MARCHF1: variants seen among roughly 807,000 people sequenced by gnomAD.
MARCHF1 encodes E3 ubiquitin-protein ligase MARCHF1.
In MARCHF1, 40 loss-of-function variants were observed where a neutral mutation model predicts 54.2. The observed-to-expected ratio is 0.74, with a 90% CI of 0.57 to 0.96. MARCHF1 has a LOEUF of 0.96. Among genes scored for constraint, MARCHF1 ranks in the 40% least tolerant of loss-of-function variants. The pLI is 0.00. For synonymous variants in MARCHF1, 236 were observed against 236.3 expected (o/e 1.00, Z 0.01); for missense variants, 586 against 656.5 (o/e 0.89, Z 1.17).
At chr4:163,685,998 AG>A (rs1294521351) in intron 5 of MARCHF1, among the ~76,000 whole-genome samples, 1 of 152,172 alleles carries the variant, frequency 6.6e-6, no homozygotes, top group Non-Finnish European at 1.5e-5. Flanking sequence ...TATAAGTCTT[AG>A]TTTCATAATC....
At chr4:164,109,873 G>A (rs1172050914) in intron 2 of MARCHF1, among the ~76,000 whole-genome samples, 3 of 110,808 alleles carry the variant, frequency 2.7e-5, no homozygotes, top group Non-Finnish European at 1.7e-5. Flanking sequence ...TTACCTATGT[G>A]ACAAACCTTC....
At chr4:163,634,624 T>G (rs1174299951) in intron 5 of MARCHF1, among the ~76,000 whole-genome samples, 2 of 152,066 alleles carry the variant, frequency 1.3e-5, no homozygotes, top group African/African-American at 2.4e-5. Flanking sequence ...ACAAAGAGAC[T>G]TAGACTCCTA....
intron 3 of MARCHF1, among the ~76,000 whole-genome samples, chr4:163,931,368 C>G (rs931682452): frequency 6.6e-6 from 1 of 151,934 alleles, no homozygotes; most frequent in Non-Finnish European, 1.5e-5. Context: ...AAGTGTTAAC[C>G]CCCAAAGTGA....
intron 4 of MARCHF1, among the ~76,000 whole-genome samples, chr4:163,738,602 G>T (rs1386149432): frequency 6.6e-6 from 1 of 152,022 alleles, no homozygotes; most frequent in African/African-American, 2.4e-5. Context: ...TCCAATAAAG[G>T]GCTATTTTTC....
intron 7 of MARCHF1, among the ~76,000 whole-genome samples, chr4:163,589,709 A>G (rs955959833): frequency 1.3e-5 from 2 of 152,154 alleles, no homozygotes; most frequent in African/African-American, 4.8e-5. Context: ...CAGCCGAATA[A>G]TTGTGTAGAG....
intron 1 of MARCHF1, among the ~76,000 whole-genome samples, chr4:164,128,790 T>C (rs1187419666): frequency 6.6e-6 from 1 of 152,180 alleles, no homozygotes; most frequent in African/African-American, 2.4e-5. Flanking sequence ...TATAATCTGC[T>C]TCTCCCTGTG....
intron 2 of MARCHF1, among the ~76,000 whole-genome samples, chr4:164,015,505 A>T (rs1753520516): frequency 6.6e-6 from 1 of 152,184 alleles, no homozygotes; most frequent in Non-Finnish European, 1.5e-5. Flanking sequence ...AGCAATTAAC[A>T]AACTGAAAAG....
At chr4:164,150,579 G>C (rs1729906947) in intron 1 of MARCHF1, among the ~76,000 whole-genome samples, 1 of 152,104 alleles carries the variant, frequency 6.6e-6, no homozygotes, top group Admixed American at 6.6e-5. Flanking sequence ...GTTTAAGCTT[G>C]GCTCTGCTCT....
intron 5 of MARCHF1, among the ~76,000 whole-genome samples, chr4:163,687,333 T>G (rs1744301000): frequency 6.6e-6 from 1 of 151,886 alleles, no homozygotes; most frequent in African/African-American, 2.4e-5. Flanking sequence ...GTTCAAGGGA[T>G]TCTCCTGCCT....
At chr4:164,349,398 C>A (rs764715658) in intron 1 of MARCHF1, among the ~76,000 whole-genome samples, 1 of 152,130 alleles carries the variant, frequency 6.6e-6, no homozygotes, top group Non-Finnish European at 1.5e-5. Context: ...TAATATGAAA[C>A]CATCATCTAC....
At chr4:164,198,429 T>C (rs1331997973) in intron 1 of MARCHF1, among the ~76,000 whole-genome samples, 2 of 152,236 alleles carry the variant, frequency 1.3e-5, no homozygotes, top group African/African-American at 4.8e-5. Flanking sequence ...CTGAGACATT[T>C]ATGTTTTTAA....
intron 1 of MARCHF1, among the ~76,000 whole-genome samples, chr4:164,307,286 G>A (rs889464182): frequency 2.0e-5 from 3 of 152,214 alleles, no homozygotes; most frequent in Non-Finnish European, 4.4e-5. Context: ...GCTTTACAGA[G>A]CTTCTTACAG....
At chr4:163,714,044 A>G (rs1196731651) in intron 4 of MARCHF1, among the ~76,000 whole-genome samples, 1 of 152,226 alleles carries the variant, frequency 6.6e-6, no homozygotes, top group East Asian at 1.9e-4. Flanking sequence ...ACCACCCACA[A>G]GCTATGTAAC....
intron 3 of MARCHF1, among the ~76,000 whole-genome samples, chr4:163,967,361 T>C (rs138695423): frequency 6.2e-4 from 94 of 152,262 alleles, no homozygotes; most frequent in Non-Finnish European, 1.2e-3. Context: ...AGGCTGATAC[T>C]TGATCTCACT....
intron 4 of MARCHF1, among the ~76,000 whole-genome samples, chr4:163,754,523 C>G (rs1746609796): frequency 6.6e-6 from 1 of 152,028 alleles, no homozygotes; most frequent in Non-Finnish European, 1.5e-5. Context: ...GATAATATGA[C>G]CTCCGTAATA....
intron 5 of MARCHF1, among the ~76,000 whole-genome samples, chr4:163,634,648 G>T (rs1323194441): frequency 6.6e-6 from 1 of 151,878 alleles, no homozygotes; most frequent in African/African-American, 2.4e-5. Flanking sequence ...ATTAATAATG[G>T]GAGACTTTAA....
intron 8 of MARCHF1, among the ~76,000 whole-genome samples, chr4:163,559,552 C>A (rs1739401095): frequency 6.6e-6 from 1 of 152,092 alleles, no homozygotes; most frequent in South Asian, 2.1e-4. Flanking sequence ...GAGAAGAGAT[C>A]TAACACAGAA....
chr4:163,571,826 G>A (rs575717811), intron 8 of MARCHF1, among the ~76,000 whole-genome samples: 1 of 152,172 alleles, frequency 6.6e-6, no homozygotes, highest in South Asian at 2.1e-4. Context: ...TCTTTTCTTA[G>A]GGTCAAAAGT....
intron 4 of MARCHF1, among the ~76,000 whole-genome samples, chr4:163,720,291 T>C (rs1745403022): frequency 6.6e-6 from 1 of 152,232 alleles, no homozygotes; most frequent in Non-Finnish European, 1.5e-5. Flanking sequence ...GGGAATCCTT[T>C]CCCCATTTCT....
Sources: allele counts gnomAD v4.1 joint callset (sites outside exome capture counted in the v4.1 genomes callset), GRCh38; gene constraint gnomAD v4.1.1; transcripts MANE v1.5; gene names NCBI Gene and HGNC (gene_info 2026-07-23, HGNC 2026-07-21).